Variants in NOX4 observed in about 807,000 individuals in gnomAD.
NOX4 encodes kidney oxidase-1.
Under a neutral mutation model 87.6 loss-of-function variants are expected in NOX4, and 69 were observed. The ratio of observed to expected loss-of-function variants is 0.79; its 90% CI spans 0.65 to 0.96. The LOEUF (loss-of-function observed/expected upper bound fraction) is 0.96, where lower values mean the gene tolerates loss of function less well. Ranked by LOEUF, NOX4 falls within the 40% of genes least tolerant of loss-of-function variation. NOX4 has a pLI of 0.00. For missense variants in NOX4, 680 were observed against 681.5 expected (o/e 1.00, Z 0.02); for synonymous variants, 275 against 238.2 (o/e 1.15, Z -1.42).
chr11:89,477,093 A>G (rs558070503), intron 2 of NOX4, among the ~76,000 whole-genome samples: 44 of 152,246 alleles, frequency 2.9e-4, no homozygotes, highest in Admixed American at 2.6e-3. Context: ...ATTCAACTGC[A>G]TTACATTTAT....
intron 12 of NOX4, among the ~76,000 whole-genome samples, chr11:89,365,766 A>AAAAAAAAC (rs1565201552): frequency 4.6e-5 from 7 of 151,256 alleles, no homozygotes; most frequent in African/African-American, 1.7e-4. Context: ...AAAAAAAAAA[A>AAAAAAAAC]AAAAAAAAAA....
intron 2 of NOX4, among the ~76,000 whole-genome samples, chr11:89,455,144 C>T (rs1179158549): frequency 1.3e-5 from 2 of 152,092 alleles, no homozygotes; most frequent in African/African-American, 4.8e-5. Context: ...TCAAGCATGA[C>T]TACTTTAGTT....
intron 17 of NOX4, 122 bp downstream of exon 17, chr11:89,335,723 T>G (rs536745287): frequency 1.7e-5 from 9 of 517,018 alleles, no homozygotes; most frequent in East Asian, 1.6e-4. Context: ...TGAAAGAGTG[T>G]TTCAGTGAAT....
At chr11:89,382,295 C>G (rs1321395185) in intron 11 of NOX4, among the ~76,000 whole-genome samples, 1 of 152,122 alleles carries the variant, frequency 6.6e-6, no homozygotes, top group Admixed American at 6.5e-5. Flanking sequence ...CTCTTCAACT[C>G]ACACCTGACC....
At chr11:89,450,316 T>A (rs1331677298) in intron 3 of NOX4, among the ~76,000 whole-genome samples, 3 of 152,184 alleles carry the variant, frequency 2.0e-5, no homozygotes, top group Non-Finnish European at 2.9e-5. Context: ...CTAGAGTAAA[T>A]CTGCACACAT....
chr11:89,418,538 T>C (rs1303402683), intron 8 of NOX4, among the ~76,000 whole-genome samples: 2 of 151,452 alleles, frequency 1.3e-5, no homozygotes, highest in African/African-American at 4.8e-5. Flanking sequence ...ATATTAATTG[T>C]TAATATATTC....
the NOX4 span, among the ~76,000 whole-genome samples, chr11:89,553,925 G>T: frequency 6.7e-6 from 1 of 149,546 alleles, no homozygotes; most frequent in Non-Finnish European, 1.5e-5. Context: ...CACTTGGAGG[G>T]AAGTGCCTAC....
intron 2 of NOX4, among the ~76,000 whole-genome samples, chr11:89,457,127 G>T (rs1024148840): frequency 1.3e-5 from 2 of 152,166 alleles, no homozygotes; most frequent in African/African-American, 4.8e-5. Context: ...TAGCCAACCT[G>T]CAGCCTTGAC....
At chr11:89,416,508 A>C (rs940941352) in intron 8 of NOX4, among the ~76,000 whole-genome samples, 5 of 152,292 alleles carry the variant, frequency 3.3e-5, no homozygotes, top group Admixed American at 1.3e-4. Context: ...CTATCCTCTA[A>C]CAGTATATCC....
intron 11 of NOX4, among the ~76,000 whole-genome samples, chr11:89,381,519 C>G (rs1219368215): frequency 6.6e-6 from 1 of 152,056 alleles, no homozygotes; most frequent in African/African-American, 2.4e-5. Flanking sequence ...TTTTCCATTA[C>G]CTACACAAAT....
chr11:89,556,557 G>A, the NOX4 span, among the ~76,000 whole-genome samples: 29 of 151,754 alleles, frequency 1.9e-4, no homozygotes, highest in African/African-American at 4.8e-4. Flanking sequence ...AGGGGAGGGG[G>A]AAACCTACAT....
chr11:89,527,387 T>C, the NOX4 span, among the ~76,000 whole-genome samples: 1 of 152,130 alleles, frequency 6.6e-6, no homozygotes, highest in African/African-American at 2.4e-5. Flanking sequence ...GCTGCAGAAA[T>C]GTGCATAAGT....
chr11:89,451,815 T>C lies in NOX4; in HGVS notation c.234A>G (p.Thr78=). The C allele has an allele frequency of 2.5e-6, 4 of 1,613,136 alleles. No individual in the cohort carries two copies. The highest frequency in any genetic ancestry group is 1.7e-6 in the Non-Finnish European group (2 of 1,179,334). The part of the protein sequence containing the change: ...CSLILLPMCR[T]LLAYLRGSQK... ...GTGATCCTCGGAGGTAAGCCAAGAG[T>C]GTTCGGCACATGGGTAAAAGGATAA... The change falls in exon 3 of 18, where the codon ACA becomes ACG. Residue 78 remains threonine (T), a synonymous_variant. Transcript: ENST00000263317.
the NOX4 span, among the ~76,000 whole-genome samples, chr11:89,518,413 CAAT>C: frequency 6.6e-6 from 1 of 151,304 alleles, no homozygotes; most frequent in East Asian, 1.9e-4. Flanking sequence ...TAAAAAAAAA[CAAT>C]AAAATCAAGA....
chr11:89,459,283 C>T (rs901448820), intron 2 of NOX4, among the ~76,000 whole-genome samples: 1 of 151,808 alleles, frequency 6.6e-6, no homozygotes, highest in African/African-American at 2.4e-5. Flanking sequence ...ACAACAGACA[C>T]AGGGGTCTAC....
chr11:89,348,492 C>T (rs1284541033), intron 13 of NOX4, among the ~76,000 whole-genome samples: 1 of 151,560 alleles, frequency 6.6e-6, no homozygotes, highest in East Asian at 1.9e-4. Flanking sequence ...TGGCACACAC[C>T]TGTGGTCCCA....
chr11:89,533,490 T>G, the NOX4 span, among the ~76,000 whole-genome samples: 1 of 151,832 alleles, frequency 6.6e-6, no homozygotes, highest in South Asian at 2.1e-4. Flanking sequence ...TAACTTGGAC[T>G]GCAGGTTCAG....
chr11:89,498,564 A>G (rs1184173930), upstream of NOX4, among the ~76,000 whole-genome samples: 2 of 152,168 alleles, frequency 1.3e-5, no homozygotes, highest in Non-Finnish European at 2.9e-5. Context: ...CAAATAACTG[A>G]TTTCTGTACC....
At chr11:89,352,161 A>G (rs1946486357) in intron 13 of NOX4, among the ~76,000 whole-genome samples, 2 of 152,154 alleles carry the variant, frequency 1.3e-5, no homozygotes, top group African/African-American at 4.8e-5. Flanking sequence ...TATTGCATAC[A>G]ATGTATGTTA....
Sources: allele counts gnomAD v4.1 joint callset (sites outside exome capture counted in the v4.1 genomes callset), GRCh38; gene constraint gnomAD v4.1.1; transcripts MANE v1.5; gene names NCBI Gene and HGNC (gene_info 2026-07-23, HGNC 2026-07-21).